AOAH: variants seen among roughly 807,000 people sequenced by gnomAD.
AOAH encodes the protein acyloxyacyl hydrolase (neutrophil).
A neutral mutation model predicts 92.2 loss-of-function variants in AOAH; 64 were observed. The observed-to-expected ratio is 0.69, with a 90% CI of 0.57 to 0.86. The LOEUF (loss-of-function observed/expected upper bound fraction) is 0.86. Among genes scored for constraint, AOAH ranks in the 40% least tolerant of loss-of-function variants. The probability of loss-of-function intolerance (pLI) is 0.00; values close to 1 mark genes in which losing one functional copy is unlikely to be tolerated. For synonymous variants in AOAH, 263 were observed against 254.5 expected, an observed-to-expected ratio of 1.03 and a Z score of -0.32; for missense variants, 656 against 694.6, an observed-to-expected ratio of 0.94 and a Z score of 0.62.
chr7:36,621,073 C>A (rs1217682088), intron 8 of AOAH, among the ~76,000 whole-genome samples: 1 of 152,180 alleles, frequency 6.6e-6, no homozygotes, highest in Non-Finnish European at 1.5e-5. Context: ...CAAATCCTGT[C>A]TTTTTCATCA....
intron 1 of AOAH, among the ~76,000 whole-genome samples, chr7:36,693,694 G>A (rs929399596): frequency 1.2e-4 from 19 of 152,086 alleles, no homozygotes; most frequent in African/African-American, 4.6e-4. Flanking sequence ...GCAACAGATT[G>A]CCAATTTGAT....
At chr7:36,560,893 G>T (rs1243985454) in intron 13 of AOAH, among the ~76,000 whole-genome samples, 1 of 152,198 alleles carries the variant, frequency 6.6e-6, no homozygotes, top group Non-Finnish European at 1.5e-5. Flanking sequence ...ATTTCTGTGT[G>T]CATTTTGTTC....
At chr7:36,522,629 C>T (rs189164690) in intron 19 of AOAH, among the ~76,000 whole-genome samples, 3 of 152,236 alleles carry the variant, frequency 2.0e-5, no homozygotes, top group East Asian at 1.9e-4. Context: ...AAAAATATTA[C>T]GAGCCCCAGA....
At chr7:36,612,735 C>A (rs1216140174) in intron 11 of AOAH, among the ~76,000 whole-genome samples, 3 of 152,138 alleles carry the variant, frequency 2.0e-5, no homozygotes, top group Admixed American at 1.3e-4. Flanking sequence ...TTTGCTAAAA[C>A]TGGGTCTTTA....
intron 15 of AOAH, among the ~76,000 whole-genome samples, chr7:36,546,967 T>A (rs958916822): frequency 6.6e-6 from 1 of 152,190 alleles, no homozygotes; most frequent in Non-Finnish European, 1.5e-5. Flanking sequence ...AATAAGACAG[T>A]GTGGACTATA....
At chr7:36,617,641 A>T (rs572129725) in intron 10 of AOAH, among the ~76,000 whole-genome samples, 2 of 152,370 alleles carry the variant, frequency 1.3e-5, no homozygotes, top group East Asian at 3.9e-4. Flanking sequence ...GGAGAGAAGC[A>T]TTGCCTAAAT....
intron 2 of AOAH, among the ~76,000 whole-genome samples, chr7:36,676,392 C>T (rs1205714631): frequency 6.6e-6 from 1 of 152,062 alleles, no homozygotes; most frequent in Non-Finnish European, 1.5e-5. Flanking sequence ...TTCTTAGGAA[C>T]AAACTTAACC....
rs540196234 is a variant in AOAH at position 36,713,138 on chromosome 7, T to G, written c.127+10884A>C. Reference sequence around the variant, plus strand: ...CAAAATAAAGGGATGGAGGAAGATCTACCAAGCAAATGGAAAACAAAAAAA... The same window carrying G: ...CAAAATAAAGGGATGGAGGAAGATCGACCAAGCAAATGGAAAACAAAAAAA... On this transcript the variant is annotated intron_variant, in intron 1 of 20. Coordinates refer to ENST00000617537, the MANE Select transcript of AOAH (RefSeq NM_001637.4). 3.9e-5 allele frequency among the ~76,000 whole-genome samples: 6 copies of G among 152,220 alleles called. No homozygotes were observed. The South Asian group carries it at 1.2e-3, about 32-fold the overall frequency.
At chr7:36,610,390 T>G (rs1244667300) in intron 11 of AOAH, among the ~76,000 whole-genome samples, 1 of 151,900 alleles carries the variant, frequency 6.6e-6, no homozygotes, top group Admixed American at 6.6e-5. Flanking sequence ...TATACATATA[T>G]GCATACAAGG....
intron 9 of AOAH, among the ~76,000 whole-genome samples, chr7:36,618,674 C>A (rs574828213): frequency 6.6e-6 from 1 of 152,098 alleles, no homozygotes; most frequent in Admixed American, 6.5e-5. Flanking sequence ...AGGGTCTGGG[C>A]GGATTCTGCA....
chr7:36,514,949 G>A (rs1346604369), intron 20 of AOAH, among the ~76,000 whole-genome samples: 1 of 151,794 alleles, frequency 6.6e-6, no homozygotes, highest in African/African-American at 2.4e-5. Context: ...ACTGCATAAA[G>A]TCCCCAGCAT....
intron 15 of AOAH, among the ~76,000 whole-genome samples, chr7:36,545,494 G>A (rs980178004): frequency 1.1e-4 from 16 of 152,054 alleles, no homozygotes; most frequent in African/African-American, 3.6e-4. Context: ...TCAGTGCCTC[G>A]GCTGGCTTCC....
chr7:36,642,117 T>C (rs547694582), intron 4 of AOAH, among the ~76,000 whole-genome samples: 1 of 152,204 alleles, frequency 6.6e-6, no homozygotes, highest in East Asian at 1.9e-4. Context: ...TGTGACCTTA[T>C]TTGGAAAAAG....
Position 36,620,841 on chromosome 7 carries a change from A to G in AOAH, c.654-12T>C. ...CCCAGTTGTTCGGCCTAAGAAAAAA[A>G]CATTAACATTGGTCTTTGACATATG... On this transcript the variant is annotated splice_polypyrimidine_tract_variant and intron_variant, in intron 8 of 20. Coordinates refer to ENST00000617537, the MANE Select transcript of AOAH (RefSeq NM_001637.4). The G allele has an allele frequency of 6.2e-7, 1 of 1,613,640 alleles. No individual in the cohort carries two copies.
At chr7:36,637,435 T>G (rs1003367057) in intron 5 of AOAH, among the ~76,000 whole-genome samples, 7 of 152,138 alleles carry the variant, frequency 4.6e-5, no homozygotes, top group Non-Finnish European at 1.0e-4. Flanking sequence ...GACGGTCTAC[T>G]GGAAAGCAGC....
intron 4 of AOAH, among the ~76,000 whole-genome samples, chr7:36,657,593 G>T (rs1047925679): frequency 6.6e-6 from 1 of 152,216 alleles, no homozygotes; most frequent in African/African-American, 2.4e-5. Flanking sequence ...GAGGCAGAGG[G>T]TGAAGGCCTA....
intron 12 of AOAH, among the ~76,000 whole-genome samples, chr7:36,587,397 T>C (rs1327913267): frequency 6.6e-6 from 1 of 152,134 alleles, no homozygotes; most frequent in African/African-American, 2.4e-5. Flanking sequence ...TCTTTGATTC[T>C]ACACAAGAAT....
chr7:36,649,291 T>C (rs1794426988), intron 4 of AOAH, among the ~76,000 whole-genome samples: 1 of 152,198 alleles, frequency 6.6e-6, no homozygotes, highest in South Asian at 2.1e-4. Context: ...TTTATTTTAT[T>C]AGAATGGGAG....
At chr7:36,543,887 G>A (rs1038571269) in intron 15 of AOAH, among the ~76,000 whole-genome samples, 2 of 151,442 alleles carry the variant, frequency 1.3e-5, no homozygotes, top group African/African-American at 2.4e-5. Context: ...CATAGAAGGT[G>A]GCTTTTGACT....
Sources: gnomAD v4.1 joint callset for allele counts (sites outside exome capture counted in the v4.1 genomes callset) on GRCh38, gnomAD v4.1.1 for gene constraint, MANE v1.5 for transcripts, NCBI Gene and HGNC (gene_info 2026-07-23, HGNC 2026-07-21) for gene names.